NOX4: variants seen among roughly 807,000 people sequenced by gnomAD.
NOX4 encodes kidney oxidase-1.
In NOX4, 69 loss-of-function variants were observed where a neutral mutation model predicts 87.6. The ratio of observed to expected loss-of-function variants is 0.79; its 90% CI spans 0.65 to 0.96. The LOEUF (loss-of-function observed/expected upper bound fraction) is 0.96. NOX4 is among the 40% of genes least tolerant of loss of function. NOX4 has a pLI of 0.00. For synonymous variants in NOX4, 275 were observed against 238.2 expected (o/e 1.15, Z -1.42); for missense variants, 680 against 681.5 (o/e 1.00, Z 0.02).
chr11:89,395,588 T>C (rs1173400332), intron 11 of NOX4, among the ~76,000 whole-genome samples: 2 of 152,222 alleles, frequency 1.3e-5, no homozygotes, highest in African/African-American at 2.4e-5. Context: ...CATGCCTATG[T>C]CCTGAATGGT....
chr11:89,448,270 A>G (rs1240621847), intron 4 of NOX4, among the ~76,000 whole-genome samples: 1 of 152,164 alleles, frequency 6.6e-6, no homozygotes, highest in Admixed American at 6.5e-5. Context: ...AACATCACAC[A>G]TTAAAACAGA....
the NOX4 span, among the ~76,000 whole-genome samples, chr11:89,576,582 C>T: frequency 6.6e-6 from 1 of 152,114 alleles, no homozygotes; most frequent in South Asian, 2.1e-4. Flanking sequence ...TTTTCACATG[C>T]TATCTGCCAT....
the NOX4 span, among the ~76,000 whole-genome samples, chr11:89,572,365 C>T: frequency 2.0e-5 from 3 of 151,708 alleles, no homozygotes; most frequent in African/African-American, 7.2e-5. Context: ...CTCGTTTTTG[C>T]TATCGACCTC....
At chr11:89,454,786 G>T (rs116533972) in intron 2 of NOX4, among the ~76,000 whole-genome samples, 1 of 151,986 alleles carries the variant, frequency 6.6e-6, no homozygotes, top group Non-Finnish European at 1.5e-5. Context: ...CAGAACAGTC[G>T]CCAGGCTAAG....
rs767956831 is a variant in NOX4 at position 89,402,538 on chromosome 11, G to A, written c.634C>T (p.Leu212=). 1.9e-6 allele frequency: 3 copies of A among 1,608,438 alleles called. No homozygotes were observed. The African/African-American group carries it at 4.0e-5, about 22-fold the overall frequency. ...MLLTLHVSGG[L]LKYQTNLDTH... ...TCTAAATTAGTTTGATACTTCAGCA[G>A]CCCTCTAAAATTACATTTAAAACAA... Residue 212 remains leucine (L), a synonymous_variant, in exon 9 of 18, where the codon CTG becomes TTG. Transcript: ENST00000263317.
chr11:89,448,635 G>A (rs1198866269), intron 4 of NOX4, among the ~76,000 whole-genome samples: 2 of 152,022 alleles, frequency 1.3e-5, no homozygotes, highest in African/African-American at 2.4e-5. Context: ...TAATCACAGA[G>A]CTTTGGGAGG....
intron 4 of NOX4, among the ~76,000 whole-genome samples, chr11:89,447,769 T>C (rs913286051): frequency 5.9e-5 from 9 of 152,090 alleles, no homozygotes; most frequent in African/African-American, 1.4e-4. Context: ...TTCTGACCTT[T>C]CACTCTCCCT....
intron 12 of NOX4, among the ~76,000 whole-genome samples, chr11:89,362,170 A>G (rs1304184411): frequency 7.2e-6 from 1 of 138,490 alleles, no homozygotes; most frequent in Admixed American, 7.0e-5. Context: ...ACACACAGAC[A>G]CAGACACACA....
the NOX4 span, among the ~76,000 whole-genome samples, chr11:89,572,103 CA>C: frequency 1.3e-5 from 2 of 152,308 alleles, no homozygotes; most frequent in African/African-American, 4.8e-5. Flanking sequence ...ATTGATGTCT[CA>C]TGTCTCCCTA....
At chr11:89,512,741 T>A in the NOX4 span, among the ~76,000 whole-genome samples, 1 of 152,244 alleles carries the variant, frequency 6.6e-6, no homozygotes, top group Admixed American at 6.6e-5. Flanking sequence ...AATCTTAGGT[T>A]AAACATCACT....
chr11:89,433,489 C>G (rs1159434910), intron 6 of NOX4, among the ~76,000 whole-genome samples: 2 of 151,978 alleles, frequency 1.3e-5, no homozygotes, highest in African/African-American at 4.8e-5. Flanking sequence ...AGTACTAAAT[C>G]TCCCTCATGC....
At chr11:89,493,721 T>TTATTA (rs1555053296), upstream of NOX4, among the ~76,000 whole-genome samples, 55 of 142,294 alleles carry the variant, frequency 3.9e-4, no homozygotes, top group African/African-American at 1.3e-3. Flanking sequence ...GCCAGATTGT[T>TTATTA]TTATTATTAT....
chr11:89,535,182 TA>T, the NOX4 span, among the ~76,000 whole-genome samples: 1 of 152,040 alleles, frequency 6.6e-6, no homozygotes, highest in Non-Finnish European at 1.5e-5. Context: ...TCCCCTAAGA[TA>T]AAAAAAAGTT....
the NOX4 span, among the ~76,000 whole-genome samples, chr11:89,580,702 T>C: frequency 6.6e-6 from 1 of 152,192 alleles, no homozygotes. Context: ...TAAGTGCTTA[T>C]CATATATTAG....
At chr11:89,507,996 T>C in the NOX4 span, among the ~76,000 whole-genome samples, 2 of 152,044 alleles carry the variant, frequency 1.3e-5, no homozygotes, top group Non-Finnish European at 2.9e-5. Flanking sequence ...ATAGTTTATA[T>C]AGAAGGAGAT....
At chr11:89,429,387 C>T (rs144732154) in intron 7 of NOX4, among the ~76,000 whole-genome samples, 3,415 of 152,004 alleles carry the variant, frequency 0.022, 136 homozygotes, top group African/African-American at 0.078. Context: ...GACAGAGACA[C>T]AAAAAACCCT....
At chr11:89,561,082 T>C in the NOX4 span, among the ~76,000 whole-genome samples, 2 of 125,472 alleles carry the variant, frequency 1.6e-5, no homozygotes, top group Non-Finnish European at 3.3e-5. Context: ...TATATATATA[T>C]ATATCCTATC....
chr11:89,525,184 G>A, the NOX4 span, among the ~76,000 whole-genome samples: 1 of 151,964 alleles, frequency 6.6e-6, no homozygotes, highest in Non-Finnish European at 1.5e-5. Flanking sequence ...ATCTCTAAGT[G>A]AACATCTCTT....
Position 89,421,892 on chromosome 11 carries a change from G to C in NOX4, c.629+10C>G. 6.5e-7 allele frequency: 1 copy of C among 1,542,580 alleles called. No individual in the cohort carries two copies. Among genetic ancestry groups the C allele is most frequent in the Non-Finnish European group, 8.8e-7 (1 of 1,141,070 alleles). The stretch of plus-strand genomic sequence containing the variant: ...CAAATGGTTTTAAATACATACATTT[G>C]TAAACTTACCCTGAAACATGCAACG... On this transcript the variant is annotated intron_variant, in intron 8 of 17. Coordinates refer to ENST00000263317, the MANE Select transcript of NOX4 (RefSeq NM_016931.5).
Sources: gnomAD v4.1 joint callset for allele counts (sites outside exome capture counted in the v4.1 genomes callset) on GRCh38, gnomAD v4.1.1 for gene constraint, MANE v1.5 for transcripts, NCBI Gene and HGNC (gene_info 2026-07-23, HGNC 2026-07-21) for gene names.